CDC14A: variants seen among roughly 807,000 people sequenced by gnomAD.
The protein encoded by CDC14A is dual specificity protein phosphatase CDC14A.
In CDC14A, 53 loss-of-function variants were observed where a neutral mutation model predicts 74.4. That is an observed-to-expected ratio of 0.71 (90% confidence interval 0.57 to 0.89). The LOEUF (loss-of-function observed/expected upper bound fraction) is 0.89. Ranked by LOEUF, CDC14A falls within the 40% of genes least tolerant of loss-of-function variation. The pLI, the probability that CDC14A is intolerant of heterozygous loss-of-function variation, is 0.00. For missense variants in CDC14A, 646 were observed against 713.7 expected, an observed-to-expected ratio of 0.91 and a Z score of 1.08; for synonymous variants, 247 against 258.4, an observed-to-expected ratio of 0.96 and a Z score of 0.43.
upstream of CDC14A, among the ~76,000 whole-genome samples, chr1:100,349,846 G>C (rs1450234753): frequency 1.3e-5 from 2 of 151,842 alleles, no homozygotes; most frequent in Non-Finnish European, 2.9e-5. Context: ...TTTGAGACGG[G>C]GTCTTTCTCT....
intron 2 of CDC14A, among the ~76,000 whole-genome samples, chr1:100,357,238 A>G (rs1230680256): frequency 6.6e-6 from 1 of 152,180 alleles, no homozygotes; most frequent in African/African-American, 2.4e-5. Flanking sequence ...AAGCTGTGAG[A>G]ATGATGCGAT....
chr1:100,400,151 T>C (rs1257378219), intron 4 of CDC14A, among the ~76,000 whole-genome samples: 1 of 152,166 alleles, frequency 6.6e-6, no homozygotes, highest in Admixed American at 6.5e-5. Context: ...GTGGTTACAG[T>C]GTGTGTGTTT....
chr1:100,427,497 C>G (rs1459339670), intron 5 of CDC14A, among the ~76,000 whole-genome samples: 1 of 152,116 alleles, frequency 6.6e-6, no homozygotes, highest in African/African-American at 2.4e-5. Context: ...TTCTGTAAAG[C>G]CTTCCTCATT....
rs775946056 is a variant in CDC14A at position 100,462,834 on chromosome 1, T to A, written c.791T>A (p.Leu264Gln). ...AGTGACAACATCGTGCGAAGGTTCC[T>A]GAACATCTGTGAGAACACCGAAGGG... ...TPSDNIVRRF[L>Q]NICENTEGAI... The change falls in exon 9 of 16, where the codon CTG becomes CAG. Residue 264 changes from leucine (L) to glutamine (Q), a missense_variant. Transcript: ENST00000336454. The A allele has an allele frequency of 3.1e-6, 5 of 1,613,884 alleles. No individual in the cohort carries two copies. In the African/African-American group the frequency reaches 6.7e-5, roughly 22 times the overall value.
chr1:100,369,403 C>T (rs905205983), intron 2 of CDC14A, among the ~76,000 whole-genome samples: 1 of 152,090 alleles, frequency 6.6e-6, no homozygotes, highest in African/African-American at 2.4e-5. Context: ...CACTGCCTAG[C>T]CTTGACTTTT....
intron 5 of CDC14A, among the ~76,000 whole-genome samples, chr1:100,429,234 T>TAAATAAATAAATAAATAAACAAAC (rs60569646): frequency 4.8e-5 from 7 of 146,498 alleles, no homozygotes; most frequent in African/African-American, 1.8e-4. Flanking sequence ...AATAAATAAA[T>TAAATAAATAAATAAATAAACAAAC]ATAAAATAAA....
intron 4 of CDC14A, among the ~76,000 whole-genome samples, chr1:100,415,093 C>T (rs1021306869): frequency 1.3e-5 from 2 of 152,084 alleles, no homozygotes; most frequent in African/African-American, 2.4e-5. Flanking sequence ...GGAAGGATAT[C>T]TTTTTAGGCT....
chr1:100,440,717 TATAA>T (rs1428926414), intron 6 of CDC14A, among the ~76,000 whole-genome samples: 2 of 152,230 alleles, frequency 1.3e-5, no homozygotes, highest in Non-Finnish European at 2.9e-5. Flanking sequence ...TCACATGGAC[TATAA>T]ATATATTATC....
At chr1:100,369,403 C>G (rs905205983) in intron 2 of CDC14A, among the ~76,000 whole-genome samples, 3 of 152,090 alleles carry the variant, frequency 2.0e-5, no homozygotes, top group African/African-American at 7.2e-5. Flanking sequence ...CACTGCCTAG[C>G]CTTGACTTTT....
At chr1:100,407,683 T>C (rs1054319900) in intron 4 of CDC14A, among the ~76,000 whole-genome samples, 4 of 152,232 alleles carry the variant, frequency 2.6e-5, no homozygotes, top group African/African-American at 9.6e-5. Flanking sequence ...CCTATTTGAA[T>C]ACCCTTTATT....
chr1:100,346,950 A>G (rs76781965), intron 1 of CDC14A, among the ~76,000 whole-genome samples: 24,252 of 152,208 alleles, frequency 0.16, 2,124 homozygotes, highest in Non-Finnish European at 0.19. Context: ...TCACAGGGTT[A>G]GAAACAATTG....
intron 4 of CDC14A, among the ~76,000 whole-genome samples, chr1:100,402,238 A>G (rs768970253): frequency 1.3e-5 from 2 of 152,038 alleles, no homozygotes; most frequent in Non-Finnish European, 2.9e-5. Context: ...ATATGAGAGC[A>G]TGTTCTGTAC....
At chr1:100,447,873 C>T (rs1219606716) in intron 7 of CDC14A, among the ~76,000 whole-genome samples, 2 of 152,138 alleles carry the variant, frequency 1.3e-5, no homozygotes, top group Non-Finnish European at 2.9e-5. Context: ...TGCCCAAACA[C>T]CAGTGATCAT....
chr1:100,488,109 A>G (rs935656205), intron 11 of CDC14A, among the ~76,000 whole-genome samples: 5 of 152,230 alleles, frequency 3.3e-5, no homozygotes, highest in Non-Finnish European at 7.3e-5. Flanking sequence ...GCTCACTTTA[A>G]CATTTAGGGG....
intron 2 of CDC14A, among the ~76,000 whole-genome samples, chr1:100,360,096 C>T (rs2100892990): frequency 6.8e-6 from 1 of 147,872 alleles, no homozygotes; most frequent in South Asian, 2.2e-4. Context: ...GCGCGCACCA[C>T]CACACCCAGC....
chr1:100,397,315 T>C (rs74103154), intron 4 of CDC14A, among the ~76,000 whole-genome samples: 10,619 of 152,204 alleles, frequency 0.07, 804 homozygotes, highest in African/African-American at 0.18. Flanking sequence ...CTCCTTGAGA[T>C]GGAAGGCTCA....
At position 100,374,065 on chromosome 1, in the gene CDC14A, T is replaced by C. The variant is rs540203089; in HGVS notation, c.141-3481T>C. 5.9e-5 allele frequency among the ~76,000 whole-genome samples: 9 copies of C among 152,292 alleles called. No homozygotes were observed. The East Asian group carries it at 1.7e-3, about 29-fold the overall frequency. ...TGAGAATATGCGGTGTTTGGTTTTTTGTTCTTGCGATAGTTTACTGAGAAT... is the reference window on the plus strand; with the variant it reads ...TGAGAATATGCGGTGTTTGGTTTTTCGTTCTTGCGATAGTTTACTGAGAAT... On this transcript the variant is annotated intron_variant, in intron 2 of 15. Transcript: ENST00000336454.
At chr1:100,434,864 A>T (rs1188294650) in intron 5 of CDC14A, among the ~76,000 whole-genome samples, 1 of 152,164 alleles carries the variant, frequency 6.6e-6, no homozygotes, top group African/African-American at 2.4e-5. Context: ...TTTAAGAAGG[A>T]GTTTGTGCTA....
chr1:100,498,096 C>G lies in CDC14A; in HGVS notation c.1310C>G (p.Ser437Cys). The G allele has an allele frequency of 6.2e-7, 1 of 1,613,042 alleles. No individual in the cohort carries two copies. Among genetic ancestry groups the G allele is most frequent in the Non-Finnish European group, 8.5e-7 (1 of 1,179,672 alleles). ...AVSQPFRLSS[S>C]LQGSAVTLKT... ...TTTTCTCCGCAAAGATTAAGTTCAT[C>G]CCTGCAAGGATCTGCAGTTACTTTG... The change falls in exon 14 of 16, where the codon TCC becomes TGC. Residue 437 changes from serine (S) to cysteine (C), a missense_variant. By Grantham distance (112) the Ser-to-Cys change is moderately radical. Transcript: ENST00000336454.
Sources: allele counts gnomAD v4.1 joint callset (sites outside exome capture counted in the v4.1 genomes callset), GRCh38; gene constraint gnomAD v4.1.1; transcripts MANE v1.5; gene names NCBI Gene and HGNC (gene_info 2026-07-23, HGNC 2026-07-21).